ANK2: variants seen among roughly 807,000 people sequenced by gnomAD.
The protein encoded by ANK2 is ankyrin 2, also known as ankyrin-2.
ANK2 carries 83 observed loss-of-function variants against 360.5 expected under a neutral mutation model. The ratio of observed to expected loss-of-function variants is 0.23; its 90% confidence interval spans 0.19 to 0.28. The LOEUF is 0.28. Among genes scored for constraint, ANK2 ranks in the 10% least tolerant of loss-of-function variants. The probability of loss-of-function intolerance (pLI) is 1.00; values close to 1 mark genes in which losing one functional copy is unlikely to be tolerated. For missense variants in ANK2, 4,201 were observed against 4,795.7 expected, an observed-to-expected ratio of 0.88 and a Z score of 3.66; for synonymous variants, 1,740 against 1,759.5, an observed-to-expected ratio of 0.99 and a Z score of 0.28.
intron 9 of ANK2, among the ~76,000 whole-genome samples, chr4:113,242,552 A>G (rs923162981): frequency 5.9e-5 from 9 of 152,218 alleles, no homozygotes; most frequent in African/African-American, 2.2e-4. Flanking sequence ...ATTACCATAC[A>G]TTAAGATTGA....
At chr4:112,998,778 G>T (rs1191406220) in intron 2 of ANK2, among the ~76,000 whole-genome samples, 2 of 152,178 alleles carry the variant, frequency 1.3e-5, no homozygotes, top group Non-Finnish European at 2.9e-5. Context: ...TAAGCATATA[G>T]TACACAGCAT....
the ANK2 span, chr4:112,738,629 C>G: frequency 3.7e-6 from 2 of 547,110 alleles, no homozygotes; most frequent in Non-Finnish European, 7.1e-6. Flanking sequence ...AGCTCTTCCT[C>G]TGGGCTGCCT....
At chr4:113,163,580 C>A (rs2097628005) in intron 1 of ANK2, among the ~76,000 whole-genome samples, 1 of 151,354 alleles carries the variant, frequency 6.6e-6, no homozygotes, top group Non-Finnish European at 1.5e-5. Flanking sequence ...GCCTGACCAA[C>A]ATGGAGAAAC....
At chr4:113,240,769 A>G (rs2039344278) in intron 8 of ANK2, among the ~76,000 whole-genome samples, 186 bp downstream of exon 8, 1 of 152,206 alleles carries the variant, frequency 6.6e-6, no homozygotes, top group South Asian at 2.1e-4. Context: ...TTAAGCAGAA[A>G]ATAAGAATGT....
chr4:112,983,670 C>T (rs930016995), intron 2 of ANK2, among the ~76,000 whole-genome samples: 89 of 133,938 alleles, frequency 6.6e-4, no homozygotes, highest in African/African-American at 2.5e-3. Flanking sequence ...AGTGAAACTC[C>T]GTCTCAGAAA....
At chr4:112,782,256 G>T in the ANK2 span, among the ~76,000 whole-genome samples, 8 of 152,110 alleles carry the variant, frequency 5.3e-5, no homozygotes, top group South Asian at 1.5e-3. Context: ...GAAGTGAAAC[G>T]CTGGCCATGA....
At chr4:113,048,274 ATATTTTTTT>A (rs1561690191), upstream of ANK2, among the ~76,000 whole-genome samples, 38 of 41,596 alleles carry the variant, frequency 9.1e-4, no homozygotes, top group Admixed American at 2.4e-3. Flanking sequence ...ATATATATAT[ATATTTTTTT>A]TTTTTTTTTT....
At chr4:113,085,697 A>G (rs1036384335) in intron 1 of ANK2, among the ~76,000 whole-genome samples, 2 of 152,210 alleles carry the variant, frequency 1.3e-5, no homozygotes, top group Non-Finnish European at 2.9e-5. Flanking sequence ...AAAAGTCTTC[A>G]ATTATTTGAA....
At chr4:113,031,718 G>A (rs950940242) in intron 2 of ANK2, among the ~76,000 whole-genome samples, 2 of 151,912 alleles carry the variant, frequency 1.3e-5, no homozygotes, top group African/African-American at 4.8e-5. Flanking sequence ...GAGGTAGCTA[G>A]GAGAAGCTTC....
At chr4:112,757,122 T>C in the ANK2 span, among the ~76,000 whole-genome samples, 1 of 150,856 alleles carries the variant, frequency 6.6e-6, no homozygotes, top group East Asian at 1.9e-4. Flanking sequence ...CTTTTTTTTT[T>C]TTTTTTTGAT....
At chr4:113,232,026 T>G in intron 4 of ANK2, 135 bp from the exon 5 acceptor site, 4 of 684,408 alleles carry the variant, frequency 5.8e-6, no homozygotes, top group Non-Finnish European at 5.2e-6. Context: ...TGTCTAGCTT[T>G]ATAATGATAA....
intron 26 of ANK2, among the ~76,000 whole-genome samples, chr4:113,326,075 C>T (rs141333502): frequency 1.3e-5 from 2 of 152,288 alleles, no homozygotes; most frequent in East Asian, 1.9e-4. Flanking sequence ...CGACTCATCT[C>T]GCGACTCACA....
chr4:113,152,079 G>GAAAAAAAAAAAAAAAAA, intron 1 of ANK2, among the ~76,000 whole-genome samples: 1 of 25,490 alleles, frequency 3.9e-5, no homozygotes, highest in Non-Finnish European at 7.3e-5. Flanking sequence ...AAAAAAAAAA[G>GAAAAAAAAAAAAAAAAA]AAAAAAAAAA....
intron 1 of ANK2, among the ~76,000 whole-genome samples, chr4:113,156,063 G>T (rs1161700983): frequency 1.3e-5 from 2 of 152,106 alleles, no homozygotes; most frequent in Non-Finnish European, 2.9e-5. Flanking sequence ...TCACTTTTAG[G>T]AATTTAAACA....
chr4:112,705,699 T>C, the ANK2 span, among the ~76,000 whole-genome samples: 1 of 152,174 alleles, frequency 6.6e-6, no homozygotes, highest in Non-Finnish European at 1.5e-5. Context: ...CAGTGGTGCA[T>C]ATAGACATAT....
intron 16 of ANK2, 55 bp downstream of exon 16, chr4:113,277,990 G>A (rs926202260): frequency 6.7e-7 from 1 of 1,483,402 alleles, no homozygotes; most frequent in Non-Finnish European, 9.4e-7. Context: ...TAGATTAGGA[G>A]ATCTGTAAAG....
chr4:112,753,700 C>G, the ANK2 span, among the ~76,000 whole-genome samples: 1 of 152,184 alleles, frequency 6.6e-6, no homozygotes, highest in African/African-American at 2.4e-5. Context: ...TACACTCCCA[C>G]CAGGACCATG....
chr4:113,356,803 G>A lies in ANK2; in HGVS notation c.8185G>A (p.Glu2729Lys). The change falls in exon 38 of 46, where the codon GAG becomes AAG. Residue 2729 changes from glutamate (E) to lysine (K), a missense_variant. By Grantham distance (56) the Glu-to-Lys change is moderately conservative. Around this residue, in one of 4 missense-constraint regions of ANK2, gnomAD observed 2,642 missense variants for 2,714.5 expected, o/e 0.97. Transcript: ENST00000357077. ...CAAGATGAATGAAGATACTCAGGAA[G>A]AGCCAGGCAAATCAGAAGAAGAAAA... ...TFKMNEDTQE[E>K]PGKSEEEKDS... 2 of 1,614,102 alleles carry A rather than the reference G, an allele frequency of 1.2e-6. No individual in the cohort carries two copies. Among genetic ancestry groups the A allele is most frequent in the East Asian group, 2.2e-5 (1 of 44,880 alleles).
chr4:112,957,251 C>T (rs2095384911), intron 2 of ANK2, among the ~76,000 whole-genome samples: 2 of 151,962 alleles, frequency 1.3e-5, no homozygotes, highest in African/African-American at 4.8e-5. Flanking sequence ...ATCTGTTTAA[C>T]AAAGCACATC....
Sources: allele counts gnomAD v4.1 joint callset (sites outside exome capture counted in the v4.1 genomes callset), GRCh38; gene constraint gnomAD v4.1.1; regional missense constraint gnomAD v4.1.1; transcripts MANE v1.5; gene names NCBI Gene and HGNC (gene_info 2026-07-23, HGNC 2026-07-21).